DUS1L: variants seen among roughly 807,000 people sequenced by gnomAD.
The protein encoded by DUS1L is dihydrouridine synthase 1 like.
A neutral mutation model predicts 61.2 loss-of-function variants in DUS1L; 56 were observed. The ratio of observed to expected loss-of-function variants is 0.92; its 90% CI spans 0.74 to 1.14. The LOEUF is 1.14. Ranked by LOEUF, DUS1L falls within the 50% of genes most tolerant of loss-of-function variation. The pLI is 0.00. For missense variants in DUS1L, 630 were observed against 632.4 expected (o/e 1.00, Z 0.04); for synonymous variants, 278 against 259.5 (o/e 1.07, Z -0.69).
chr17:82,061,677 C>A lies in DUS1L; in HGVS notation c.638G>T (p.Cys213Phe), dbSNP rs757661322. The change falls in exon 7 of 14, where the codon TGC becomes TTC. Residue 213 changes from cysteine (C) to phenylalanine (F), a missense_variant. By Grantham distance (205) the Cys-to-Phe change is radical (BLOSUM62 -2). Transcript: ENST00000306796. ...IPVFANGNIQ[C>F]LQDVERCLRD... ...GAGGCAGCGCTCCACGTCCTGCAGG[C>A]ACTGGATGTTCCCGTTAGCAAACAC... is the stretch of plus-strand genomic sequence containing the variant. 1.2e-5 allele frequency: 19 copies of A among 1,613,064 alleles called. No individual in the cohort carries two copies. The highest frequency in any genetic ancestry group is 1.5e-5 in the Non-Finnish European group (18 of 1,179,922).
chr17:82,061,051 C>T, intron 8 of DUS1L, 90 bp from the exon 9 acceptor site: 1 of 1,544,168 alleles, frequency 6.5e-7, no homozygotes, highest in East Asian at 2.4e-5. Flanking sequence ...ACCTGTGTCT[C>T]TTCCTGCCCA....
chr17:82,062,068 C>G (rs1210811913), intron 5 of DUS1L, 85 bp from the exon 6 acceptor site: 1 of 1,244,104 alleles, frequency 8.0e-7, no homozygotes, highest in Non-Finnish European at 1.1e-6. Flanking sequence ...CCCCTCTGCC[C>G]CTACTCCACC....
intron 11 of DUS1L, 120 bp from the exon 12 acceptor site, chr17:82,058,938 G>A (rs928459164): frequency 3.3e-5 from 31 of 952,410 alleles, no homozygotes; most frequent in Admixed American, 1.4e-4. Context: ...GGCCAGCCAG[G>A]CCAGGAGGCT....
intron 5 of DUS1L, among the ~76,000 whole-genome samples, 165 bp from the exon 6 acceptor site, chr17:82,062,148 T>C (rs1280851269): frequency 6.7e-6 from 1 of 148,578 alleles, no homozygotes; most frequent in Admixed American, 6.7e-5. Flanking sequence ...TCCCTCACCA[T>C]ATCAGCTCCT....
At chr17:82,060,147 G>A in intron 10 of DUS1L, 54 bp from the exon 11 acceptor site, 2 of 1,580,186 alleles carry the variant, frequency 1.3e-6, no homozygotes, top group Non-Finnish European at 1.7e-6. Context: ...GGGCCCAGCA[G>A]CCACAGCCAC....
chr17:82,059,027 C>T (rs1296426934), intron 11 of DUS1L: 2 of 589,172 alleles, frequency 3.4e-6, no homozygotes, highest in East Asian at 2.8e-5. Context: ...CAGGGGGCAC[C>T]ATCCTGCAGG....
At position 82,063,635 on chromosome 17, in the gene DUS1L, G is replaced by A. The variant is rs1362283771; in HGVS notation, c.347-117C>T. 19 of 1,294,052 alleles carry A rather than the reference G, an allele frequency of 1.5e-5. 1 individual carries two copies. In the East Asian group the frequency reaches 3.8e-4, roughly 26 times the overall value. 80.2% of individuals were successfully genotyped at this position (1,294,052 alleles called of 1,614,324 possible). ...CGCAGGCCAGGAGCTGCCCTGTCAG[G>A]CGGGACACAGGTCCCCAGAACCAGC... On this transcript the variant is annotated intron_variant, in intron 3 of 13. Coordinates refer to ENST00000306796, the MANE Select transcript of DUS1L (RefSeq NM_022156.5).
At chr17:82,060,565 C>G in intron 10 of DUS1L, 136 bp downstream of exon 10, 1 of 1,179,314 alleles carries the variant, frequency 8.5e-7, no homozygotes, top group South Asian at 1.5e-5. Flanking sequence ...GCCGAGGCCT[C>G]CCTCCTCCTT....
At chr17:82,062,248 A>G (rs865870302) in intron 5 of DUS1L, among the ~76,000 whole-genome samples, 1 of 152,164 alleles carries the variant, frequency 6.6e-6, no homozygotes, top group Non-Finnish European at 1.5e-5. Context: ...GCCCAGGCCC[A>G]TGCAAGAGCC....
chr17:82,059,459 A>C lies in DUS1L; in HGVS notation c.1168+489T>G, dbSNP rs114008652. 5.2e-4 allele frequency: 87 copies of C among 168,196 alleles called. 1 individual carries two copies. The highest frequency in any genetic ancestry group is 2.0e-3 in the African/African-American group (84 of 41,980). 10.4% of individuals were successfully genotyped at this position (168,196 alleles called of 1,614,324 possible). A position where few individuals can be genotyped will look rare whatever the true frequency, so the allele number is the denominator to read the frequency against. ...GAGGGCCCAGATGGGCTGGCCCAGGATACGGCGGCGACCAGGGGTCTCAGG... is the reference window on the plus strand; with the variant it reads ...GAGGGCCCAGATGGGCTGGCCCAGGCTACGGCGGCGACCAGGGGTCTCAGG... On this transcript the variant is annotated intron_variant, in intron 11 of 13. Coordinates refer to ENST00000306796, the MANE Select transcript of DUS1L (RefSeq NM_022156.5).
intron 4 of DUS1L, 181 bp from the exon 5 acceptor site, chr17:82,063,154 A>AC (rs914693908): frequency 3.1e-6 from 2 of 641,476 alleles, no homozygotes; most frequent in Non-Finnish European, 5.4e-6. Context: ...CCTCCGCCAT[A>AC]CCCCCGGCCC....
At position 82,065,200 on chromosome 17, in the gene DUS1L, G is replaced by A. The variant is rs1448608952; in HGVS notation, c.-10-131C>T. 1.0e-5 allele frequency: 8 copies of A among 782,770 alleles called. No homozygotes were observed. The East Asian group carries it at 1.6e-4, about 16-fold the overall frequency. The allele number at this position is 782,770 out of a possible 1,614,324, so 48.5% of individuals were successfully genotyped here. A position where few individuals can be genotyped will look rare whatever the true frequency, so the allele number is the denominator to read the frequency against. ...TGGGTCACACGCGGGGGCACTAAAG[G>A]CGGGGGTCGGTGCAGGCTGGAGAAC... On this transcript the variant is annotated intron_variant, in intron 1 of 13. Transcript: ENST00000306796.
chr17:82,062,437 AC>A (rs2033554844), intron 5 of DUS1L, among the ~76,000 whole-genome samples: 1 of 151,990 alleles, frequency 6.6e-6, no homozygotes, highest in Admixed American at 6.6e-5. Flanking sequence ...CTTGAGGGGC[AC>A]CCCCGGAGAC....
intron 11 of DUS1L, 195 bp downstream of exon 11, chr17:82,059,753 G>A (rs956693219): frequency 4.4e-5 from 30 of 687,944 alleles, no homozygotes; most frequent in Non-Finnish European, 6.2e-5. Flanking sequence ...CCACATGCAC[G>A]GGCTGTGGCC....
intron 4 of DUS1L, 141 bp from the exon 5 acceptor site, chr17:82,063,114 GGT>G: frequency 1.4e-6 from 1 of 725,584 alleles, no homozygotes; most frequent in Non-Finnish European, 2.3e-6. Flanking sequence ...CCACCATCTG[GGT>G]GTCTCCCTCA....
At position 82,062,906 on chromosome 17, in the gene DUS1L, G is replaced by A. The variant is rs770057446; in HGVS notation, c.465C>T (p.Asp155=). The A allele has an allele frequency of 6.2e-7, 1 of 1,612,958 alleles. No individual in the cohort carries two copies. Reference sequence around the variant, plus strand: ...GCATCTGGGCGTACCTCACGGTCTTGTCAATCTCCGGGAAGACACGGATTT... The same window carrying A: ...GCATCTGGGCGTACCTCACGGTCTTATCAATCTCCGGGAAGACACGGATTT... ...TCKIRVFPEI[D]KTVRYAQMLE... is the part of the protein sequence containing the mutation. Residue 155 remains aspartate (D), a synonymous_variant, in exon 5 of 14, where the codon GAC becomes GAT. Transcript: ENST00000306796.
At chr17:82,058,567 C>T in intron 12 of DUS1L, 151 bp from the exon 13 acceptor site, 1 of 1,450,128 alleles carries the variant, frequency 6.9e-7, no homozygotes, top group Non-Finnish European at 9.0e-7. Context: ...GATGCCTCTC[C>T]CTCACCCCCA....
At chr17:82,064,326 G>T in intron 2 of DUS1L, 92 bp from the exon 3 acceptor site, 1 of 1,114,526 alleles carries the variant, frequency 9.0e-7, no homozygotes. Context: ...ACCCCATGAG[G>T]GTGTGGGCCC....
In DUS1L at chr17:82,064,213, C is replaced by T. The variant is rs1457603053; in HGVS notation, c.259G>A (p.Val87Met). ...IVQFCANDPE[V>M]FVQAALLAQD... is the part of the protein sequence containing the mutation. ...GCCAGGAGAGCCGCCTGAACAAACA[C>T]CTCCGGGTCATTGGCACAGAACTGG... Residue 87 changes from valine (V) to methionine (M), a missense_variant, in exon 3 of 14, where the codon GTG (valine) becomes ATG (methionine). Transcript: ENST00000306796. The T allele has an allele frequency of 1.9e-6, 3 of 1,612,018 alleles. No homozygotes were observed. The highest frequency in any genetic ancestry group is 1.3e-5 in the African/African-American group (1 of 74,914).
Sources: allele counts gnomAD v4.1 joint callset (sites outside exome capture counted in the v4.1 genomes callset), GRCh38; gene constraint gnomAD v4.1.1; transcripts MANE v1.5; gene names NCBI Gene and HGNC (gene_info 2026-07-23, HGNC 2026-07-21).